The following MACF1 variants were observed in gnomAD, a reference collection of about 807,000 sequenced individuals.
MACF1 encodes the protein microtubule actin crosslinking factor 1, also known as microtubule-actin cross-linking factor 1.
A neutral mutation model predicts 854.8 loss-of-function variants in MACF1; 193 were observed. The observed-to-expected ratio is 0.23, with a 90% CI of 0.20 to 0.25. The LOEUF is 0.25. Among genes scored for constraint, MACF1 ranks in the 10% least tolerant of loss-of-function variants. The pLI, the probability that MACF1 is intolerant of heterozygous loss-of-function variation, is 1.00. For missense variants in MACF1, 7,722 were observed against 8,929.1 expected, an observed-to-expected ratio of 0.86 and a Z score of 5.45; for synonymous variants, 3,185 against 3,226.7, an observed-to-expected ratio of 0.99 and a Z score of 0.44.
chr1:39,446,370 TATC>T, intron 80 of MACF1, among the ~76,000 whole-genome samples: 1 of 151,926 alleles, frequency 6.6e-6, no homozygotes, highest in Non-Finnish European at 1.5e-5. Context: ...AAAGAATTCC[TATC>T]ATCTAGGAAC....
At chr1:39,455,389 C>T (rs1644415639) in intron 89 of MACF1, among the ~76,000 whole-genome samples, 1 of 152,166 alleles carries the variant, frequency 6.6e-6, no homozygotes. Flanking sequence ...AGGATGTTGG[C>T]AGAATCCAGA....
At chr1:39,181,471 T>C (rs996530192) in intron 2 of MACF1, among the ~76,000 whole-genome samples, 2 of 152,204 alleles carry the variant, frequency 1.3e-5, no homozygotes, top group Non-Finnish European at 2.9e-5. Context: ...TTTTTTCTTC[T>C]TCTTTCTTCT....
intron 58 of MACF1, among the ~76,000 whole-genome samples, chr1:39,392,808 T>C (rs1642086387): frequency 6.6e-6 from 1 of 152,178 alleles, no homozygotes; most frequent in Non-Finnish European, 1.5e-5. Flanking sequence ...TCTGAATGAT[T>C]AGTAGGTCCT....
chr1:39,123,737 T>TTG (rs1571070113), intron 2 of MACF1, among the ~76,000 whole-genome samples: 1 of 146,998 alleles, frequency 6.8e-6, no homozygotes, highest in East Asian at 2.0e-4. Flanking sequence ...TTTTTTTTTT[T>TTG]GTCCGAGGCA....
At position 39,430,715 on chromosome 1, in the gene MACF1, A is replaced by T; in HGVS notation, c.17144A>T (p.Glu5715Val). The change falls in exon 66 of 101, where the codon GAG (glutamate) becomes GTG (valine). Residue 5715 changes from glutamate (E) to valine (V), a missense_variant. Around this residue, in one of 15 missense-constraint regions of MACF1, gnomAD observed 2,807 missense variants for 3,235.8 expected, o/e 0.87. Transcript: ENST00000564288. Reference protein sequence around the residue: ...FQQRQKELKKEVMEHRLVLDT... With the variant: ...FQQRQKELKKVVMEHRLVLDT... ...TTCCCTCCTTAGGAATTAAAGAAGG[A>T]GGTCATGGAGCACAGGCTGGTGTTG... The T allele has an allele frequency of 6.2e-7, 1 of 1,611,982 alleles. No individual in the cohort carries two copies. Among genetic ancestry groups the T allele is most frequent in the Non-Finnish European group, 8.5e-7 (1 of 1,179,880 alleles).
chr1:39,361,046 A>G, intron 48 of MACF1, 45 bp downstream of exon 48: 2 of 1,486,296 alleles, frequency 1.3e-6, no homozygotes, highest in South Asian at 1.1e-5. Context: ...TATGTTTGCT[A>G]TGTGCCATCA....
chr1:39,403,793 A>T (rs905845028), intron 58 of MACF1, among the ~76,000 whole-genome samples: 5 of 149,712 alleles, frequency 3.3e-5, no homozygotes, highest in African/African-American at 1.2e-4. Flanking sequence ...AATAAGTGAC[A>T]GTTGAGTGAG....
intron 2 of MACF1, among the ~76,000 whole-genome samples, chr1:39,163,598 A>G (rs1253376160): frequency 6.6e-6 from 1 of 152,178 alleles, no homozygotes; most frequent in Non-Finnish European, 1.5e-5. Flanking sequence ...ACTACTGAGA[A>G]AGAACATGGT....
At chr1:39,456,713 CAT>C (rs1644447299) in intron 89 of MACF1, 1 of 152,342 alleles carries the variant, frequency 6.6e-6, no homozygotes, top group African/African-American at 2.4e-5. Context: ...AGCTTCCAGA[CAT>C]GTCCTTCCAA....
intron 50 of MACF1, among the ~76,000 whole-genome samples, chr1:39,368,606 A>G (rs561149735): frequency 6.6e-6 from 1 of 152,134 alleles, no homozygotes; most frequent in African/African-American, 2.4e-5. Context: ...GGTTCAAGCA[A>G]TTCTTCTACC....
At chr1:39,254,133 C>T (rs940218023) in intron 4 of MACF1, 165 bp from the exon 5 acceptor site, 125 of 594,454 alleles carry the variant, frequency 2.1e-4, no homozygotes, top group Non-Finnish European at 2.1e-4. Flanking sequence ...GGTCGAAACA[C>T]GTACAGGCCT....
chr1:39,389,349 G>GTTTTTTT (rs1557625833), intron 58 of MACF1, among the ~76,000 whole-genome samples: 2 of 105,884 alleles, frequency 1.9e-5, no homozygotes, highest in African/African-American at 3.9e-5. Context: ...TGGTTTTTGT[G>GTTTTTTT]TGTTTTTTTT....
At chr1:39,413,038 G>T in intron 58 of MACF1, 2 of 1,589,758 alleles carry the variant, frequency 1.3e-6, no homozygotes, top group Non-Finnish European at 8.6e-7. Context: ...TGCAGTTGCT[G>T]CAGTGTCCTC....
At chr1:39,327,118 A>T in intron 35 of MACF1, 100 bp from the exon 36 acceptor site, 1 of 1,129,232 alleles carries the variant, frequency 8.9e-7, no homozygotes, top group Non-Finnish European at 1.2e-6. Flanking sequence ...GAAGAAGATC[A>T]TCCATCCAAG....
intron 2 of MACF1, among the ~76,000 whole-genome samples, chr1:39,124,054 T>TC (rs1192116660): frequency 6.6e-6 from 1 of 150,916 alleles, no homozygotes; most frequent in Non-Finnish European, 1.5e-5. Context: ...CTTGTATTTT[T>TC]TTTTTTTTTT....
chr1:39,102,563 C>T (rs773193758), intron 2 of MACF1: 13 of 595,112 alleles, frequency 2.2e-5, no homozygotes, highest in African/African-American at 5.6e-5. Flanking sequence ...GGCCCTGAGG[C>T]GAGATAACAC....
chr1:39,378,508 T>G lies in MACF1; in HGVS notation c.13261T>G (p.Tyr4421Asp). ...AAGCTCTGTAGGCAGTGTAAACGGA[T>G]ACCACACCTGCAAAGGTGAGAATGC... ...VGSSVGSVNG[Y>D]HTCKDLTEIQ... The change falls in exon 53 of 101, where the codon TAC (tyrosine) becomes GAC (aspartate). Residue 4421 changes from tyrosine (Y) to aspartate (D), a missense_variant. By Grantham distance (160) the Tyr-to-Asp change is radical (BLOSUM62 -3). Coordinates refer to ENST00000564288, the MANE Select transcript of MACF1 (RefSeq NM_001394062.1). The G allele has an allele frequency of 1.9e-6, 3 of 1,613,958 alleles. No individual in the cohort carries two copies. Among genetic ancestry groups the G allele is most frequent in the Non-Finnish European group, 2.5e-6 (3 of 1,179,798 alleles).
At chr1:39,247,035 G>T (rs2148329499) in intron 2 of MACF1, among the ~76,000 whole-genome samples, 1 of 151,040 alleles carries the variant, frequency 6.6e-6, no homozygotes, top group South Asian at 2.1e-4. Flanking sequence ...TCGAGTAGCT[G>T]GGATTACAGG....
At position 39,442,308 on chromosome 1, in the gene MACF1, T is replaced by G. The variant is rs758982618; in HGVS notation, c.18936T>G (p.Ile6312Met). Residue 6312 changes from isoleucine to methionine, a missense_variant, in exon 76 of 101, where the codon ATT (isoleucine) becomes ATG (methionine). Physicochemically the swap from Ile to Met is conservative, Grantham distance 10 (BLOSUM62 1). Transcript: ENST00000564288. ...KHLWENLGEK[I>M]AHRQHKLEGA... ...TCTGGGAGAACCTGGGTGAGAAAAT[T>G]GCCCACCGACAGGTAAGGCAGGTGG... is the stretch of plus-strand genomic sequence containing the variant. 3.1e-6 allele frequency: 5 copies of G among 1,595,300 alleles called. No homozygotes were observed. The African/African-American group carries it at 5.4e-5, about 17-fold the overall frequency.
Sources: allele counts gnomAD v4.1 joint callset (sites outside exome capture counted in the v4.1 genomes callset), GRCh38; gene constraint gnomAD v4.1.1; regional missense constraint gnomAD v4.1.1; transcripts MANE v1.5; gene names NCBI Gene and HGNC (gene_info 2026-07-23, HGNC 2026-07-21).